The following SLC12A1 variants were observed in gnomAD, a reference collection of about 807,000 sequenced individuals.
SLC12A1 encodes solute carrier family 12 member 1, also known as Na-K-2Cl cotransporter.
SLC12A1 carries 89 observed loss-of-function variants against 130.4 expected under a neutral mutation model. The observed-to-expected ratio is 0.68, with a 90% CI of 0.58 to 0.81. The LOEUF (loss-of-function observed/expected upper bound fraction) is 0.81. Ranked by LOEUF, SLC12A1 falls within the 40% of genes least tolerant of loss-of-function variation. SLC12A1 has a pLI of 0.00. For missense variants in SLC12A1, 1,310 were observed against 1,336.4 expected (o/e 0.98, Z 0.31); for synonymous variants, 499 against 460.0 (o/e 1.08, Z -1.09).
chr15:48,260,992 T>C (rs775487693), intron 17 of SLC12A1, among the ~76,000 whole-genome samples: 2 of 152,184 alleles, frequency 1.3e-5, no homozygotes, highest in Non-Finnish European at 2.9e-5. Flanking sequence ...ACTGAGTACT[T>C]GTGAGATTGA....
At chr15:48,248,349 T>G (rs2041607459) in intron 13 of SLC12A1, among the ~76,000 whole-genome samples, 1 of 152,254 alleles carries the variant, frequency 6.6e-6, no homozygotes, top group Admixed American at 6.5e-5. Flanking sequence ...AAAACTGATT[T>G]CATATAGAGA....
intron 11 of SLC12A1, among the ~76,000 whole-genome samples, chr15:48,245,511 A>T (rs913639209): frequency 6.6e-6 from 1 of 152,160 alleles, no homozygotes; most frequent in Non-Finnish European, 1.5e-5. Context: ...GTAAGTGAGA[A>T]TATGTGGTAT....
At position 48,302,832 on chromosome 15, in the gene SLC12A1, C is replaced by G. The variant is rs748494597; in HGVS notation, c.3247C>G (p.Pro1083Ala). ...WLEILTKNLPPVLLVRGNHKN... is the reference protein window; with the variant it reads ...WLEILTKNLPAVLLVRGNHKN... ...GGAAATCCTCACAAAGAACCTCCCA[C>G]CTGTCTTACTAGTTAGAGGAAATCA... Residue 1083 changes from proline (P) to alanine (A), a missense_variant, in exon 27 of 27, where the codon CCT becomes GCT. By Grantham distance (27) the Pro-to-Ala change is conservative. Transcript: ENST00000380993. The G allele has an allele frequency of 7.4e-6, 12 of 1,612,824 alleles. No homozygotes were observed. The highest frequency in any genetic ancestry group is 1.0e-5 in the Non-Finnish European group (12 of 1,179,016).
At chr15:48,299,040 C>T in intron 24 of SLC12A1, 100 bp from the exon 25 acceptor site, 2 of 1,021,840 alleles carry the variant, frequency 2.0e-6, no homozygotes, top group Non-Finnish European at 2.9e-6. Context: ...TGATATTCAG[C>T]TCTGATTCCA....
At chr15:48,298,492 A>G (rs2042200246) in intron 24 of SLC12A1, among the ~76,000 whole-genome samples, 1 of 152,232 alleles carries the variant, frequency 6.6e-6, no homozygotes, top group Non-Finnish European at 1.5e-5. Context: ...TTCTCCTAAC[A>G]TGAACCTGAA....
chr15:48,293,893 C>G (rs2042146011), intron 24 of SLC12A1, among the ~76,000 whole-genome samples: 1 of 151,894 alleles, frequency 6.6e-6, no homozygotes, highest in Admixed American at 6.6e-5. Flanking sequence ...CAAAAATTTG[C>G]CAGGCTTCGT....
intron 2 of SLC12A1, among the ~76,000 whole-genome samples, chr15:48,219,563 G>C (rs1597399426): frequency 6.9e-6 from 1 of 145,720 alleles, no homozygotes; most frequent in Non-Finnish European, 1.5e-5. Context: ...CAAAGAGAAG[G>C]AAAGAAAGAA....
At chr15:48,217,386 C>T (rs1375464322) in intron 2 of SLC12A1, among the ~76,000 whole-genome samples, 2 of 152,136 alleles carry the variant, frequency 1.3e-5, no homozygotes. Context: ...CCAGTTTCTG[C>T]CCCACTATGT....
rs1412277541 is a variant in SLC12A1 at position 48,274,557 on chromosome 15, G to T, written c.2403-14G>T. Reference sequence around the variant, plus strand: ...AGCCATTTAAAACGCTGACTGCTTTGCTTCCTCTTTCAGTGATGCATTTGA... The same window carrying T: ...AGCCATTTAAAACGCTGACTGCTTTTCTTCCTCTTTCAGTGATGCATTTGA... On this transcript the variant is annotated splice_polypyrimidine_tract_variant and intron_variant, in intron 19 of 26. Coordinates refer to ENST00000380993, the MANE Select transcript of SLC12A1 (RefSeq NM_000338.3). 4 of 1,597,234 alleles carry T rather than the reference G, an allele frequency of 2.5e-6. No homozygotes were observed.
chr15:48,257,269 G>T (rs1003950572), intron 16 of SLC12A1, among the ~76,000 whole-genome samples: 1 of 152,140 alleles, frequency 6.6e-6, no homozygotes, highest in African/African-American at 2.4e-5. Context: ...ACTGGCTGGT[G>T]TTGAGTGTCT....
At chr15:48,232,895 C>A in intron 8 of SLC12A1, 57 bp downstream of exon 8, 1 of 1,036,038 alleles carries the variant, frequency 9.7e-7, no homozygotes, top group Non-Finnish European at 1.5e-6. Context: ...CCCTCCTCAT[C>A]ACCATCCCCA....
chr15:48,246,934 GC>G lies in SLC12A1; in HGVS notation c.1483del (p.Leu495SerfsTer51), dbSNP rs772723913. 6.2e-6 allele frequency: 10 copies of G among 1,613,698 alleles called. No homozygotes were observed. Among genetic ancestry groups the G allele is most frequent in the South Asian group, 1.1e-5 (1 of 91,066 alleles). ...GTCATGAGCATGGTATCAGGGTTCG[GC>G]CCCCTCATCACTGCGGGAATCTTTT... ...FQVMSMVSGF[G>X]PLITAGIFSA... On this transcript the variant is annotated frameshift_variant, in exon 12 of 27. Coordinates refer to ENST00000380993, the MANE Select transcript of SLC12A1 (RefSeq NM_000338.3). LOFTEE classifies it high-confidence loss of function.
chr15:48,221,130 C>T (rs1008533092), intron 4 of SLC12A1, 134 bp downstream of exon 4: 1 of 866,456 alleles, frequency 1.2e-6, no homozygotes, highest in South Asian at 1.5e-5. Context: ...TTTTACTTTG[C>T]TTCTTTGACG....
Position 48,207,955 on chromosome 15 carries a change from C to T in SLC12A1, c.236C>T (p.Thr79Ile), listed in dbSNP as rs772165520. 6.2e-7 allele frequency: 1 copy of T among 1,613,988 alleles called. No individual in the cohort carries two copies. Among genetic ancestry groups the T allele is most frequent in the South Asian group, 1.1e-5 (1 of 91,078 alleles). ...CYDNFLQSGE[T>I]AKTDASFHAY... ...GACAATTTCCTCCAAAGTGGAGAAA[C>T]TGCTAAAACAGATGCCAGTTTTCAC... The change falls in exon 2 of 27, where the codon ACT becomes ATT. Residue 79 changes from threonine to isoleucine, a missense_variant. Physicochemically the swap from Thr to Ile is moderately conservative, Grantham distance 89 (BLOSUM62 -1). Coordinates refer to ENST00000380993, the MANE Select transcript of SLC12A1 (RefSeq NM_000338.3).
rs772229245 is a variant in SLC12A1, at chr15:48,241,676, G to T, written c.1300+77G>T. The T allele has an allele frequency of 4.0e-6, 4 of 994,498 alleles. No homozygotes were observed. In the East Asian group the frequency reaches 9.6e-5, roughly 24 times the overall value. 61.6% of individuals were successfully genotyped at this position (994,498 alleles called of 1,614,324 possible). On this transcript the variant is annotated intron_variant, in intron 10 of 26. Coordinates refer to ENST00000380993, the MANE Select transcript of SLC12A1 (RefSeq NM_000338.3). ...TGTTCACGTCTAGTGAGCTTTCAAT[G>T]CAGCATAAATACAGAGTTTTTTAAA...
intron 20 of SLC12A1, among the ~76,000 whole-genome samples, chr15:48,278,544 GTT>G (rs2041978940): frequency 6.6e-6 from 1 of 152,178 alleles, no homozygotes; most frequent in Non-Finnish European, 1.5e-5. Context: ...AGGCAAAGCT[GTT>G]TCTATGTGTT....
intron 15 of SLC12A1, among the ~76,000 whole-genome samples, chr15:48,255,041 C>G (rs2041690337): frequency 6.6e-6 from 1 of 152,312 alleles, no homozygotes; most frequent in South Asian, 2.1e-4. Flanking sequence ...GCTAAAGAAT[C>G]TTGACCCTCT....
intron 2 of SLC12A1, among the ~76,000 whole-genome samples, chr15:48,218,140 C>T (rs1266802178): frequency 6.6e-6 from 1 of 152,152 alleles, no homozygotes; most frequent in East Asian, 1.9e-4. Flanking sequence ...TGGCCTGCTA[C>T]ATGCCAAGCC....
Position 48,230,507 on chromosome 15 carries a change from A to C in SLC12A1, c.975+4A>C. ...TGGAATGGAATGGGAGGCAAAGGTA[A>C]ATTTCTCAAAAATGATATTATCAAC... On this transcript the variant is annotated splice_donor_region_variant and intron_variant, in intron 7 of 26. Coordinates refer to ENST00000380993, the MANE Select transcript of SLC12A1 (RefSeq NM_000338.3). 6.3e-7 allele frequency: 1 copy of C among 1,577,480 alleles called. No individual in the cohort carries two copies. Among genetic ancestry groups the C allele is most frequent in the Non-Finnish European group, 8.7e-7 (1 of 1,150,458 alleles).
Sources: gnomAD v4.1 joint callset for allele counts (sites outside exome capture counted in the v4.1 genomes callset) on GRCh38, gnomAD v4.1.1 for gene constraint, MANE v1.5 for transcripts, NCBI Gene and HGNC (gene_info 2026-07-23, HGNC 2026-07-21) for gene names.